The following NCAM2 variants were observed in gnomAD, a reference collection of about 807,000 sequenced individuals.
The protein encoded by NCAM2 is N-CAM-2.
A neutral mutation model predicts 98.1 loss-of-function variants in NCAM2; 30 were observed. That is an observed-to-expected ratio of 0.31 (90% CI 0.23 to 0.41). NCAM2 has a LOEUF of 0.41. NCAM2 is among the 10% of genes least tolerant of loss of function. NCAM2 has a pLI of 1.00. For missense variants in NCAM2, 867 were observed against 1,005.8 expected (o/e 0.86, Z 1.87); for synonymous variants, 368 against 342.4 (o/e 1.07, Z -0.83).
chr21:21,332,116 G>A (rs1480327786), intron 6 of NCAM2, among the ~76,000 whole-genome samples: 1 of 151,588 alleles, frequency 6.6e-6, no homozygotes, highest in Non-Finnish European at 1.5e-5. Flanking sequence ...TATTGGCCAG[G>A]CTGATCTGTA....
At chr21:21,509,767 T>C (rs1304538118) in intron 16 of NCAM2, among the ~76,000 whole-genome samples, 1 of 152,194 alleles carries the variant, frequency 6.6e-6, no homozygotes, top group Non-Finnish European at 1.5e-5. Flanking sequence ...TGTCTTTACA[T>C]AGATATAGAT....
chr21:21,358,444 A>G (rs1234212511), intron 8 of NCAM2, among the ~76,000 whole-genome samples: 1 of 142,314 alleles, frequency 7.0e-6, no homozygotes, highest in Non-Finnish European at 1.6e-5. Context: ...TGTCTTTGAA[A>G]TTACTTTATT....
chr21:21,236,181 A>G (rs1160246233), intron 1 of NCAM2, among the ~76,000 whole-genome samples: 1 of 150,400 alleles, frequency 6.6e-6, no homozygotes, highest in Non-Finnish European at 1.5e-5. Flanking sequence ...AAATAAATAA[A>G]GCGCTTCCTA....
intron 9 of NCAM2, 30 bp from the exon 10 acceptor site, chr21:21,410,244 C>T (rs372479099): frequency 8.4e-6 from 10 of 1,187,906 alleles, no homozygotes; most frequent in Non-Finnish European, 1.0e-5. Flanking sequence ...AAGAAAATGC[C>T]TATAATTATT....
intron 1 of NCAM2, among the ~76,000 whole-genome samples, chr21:21,051,838 G>C (rs1244306326): frequency 1.3e-5 from 2 of 152,010 alleles, no homozygotes; most frequent in Non-Finnish European, 2.9e-5. Flanking sequence ...CCTTTTTGTG[G>C]CTCTCTGTAA....
chr21:21,398,449 T>G (rs2076561784), intron 9 of NCAM2, among the ~76,000 whole-genome samples: 1 of 152,140 alleles, frequency 6.6e-6, no homozygotes, highest in East Asian at 1.9e-4. Context: ...AAAAAGGTGA[T>G]TAGGCAGATT....
At chr21:21,171,341 T>C (rs574395263) in intron 1 of NCAM2, among the ~76,000 whole-genome samples, 26 of 152,368 alleles carry the variant, frequency 1.7e-4, no homozygotes, top group African/African-American at 6.3e-4. Context: ...TCATGTTTGC[T>C]AGGCACTGAT....
intron 1 of NCAM2, among the ~76,000 whole-genome samples, chr21:21,199,137 G>A (rs762444467): frequency 2.0e-5 from 3 of 152,176 alleles, no homozygotes; most frequent in Non-Finnish European, 4.4e-5. Flanking sequence ...TTTGTGGAAA[G>A]AGTCAGTCCT....
intron 12 of NCAM2, among the ~76,000 whole-genome samples, chr21:21,444,685 C>T (rs1979825190): frequency 6.6e-6 from 1 of 152,030 alleles, no homozygotes. Context: ...GTGACATTCC[C>T]TTTATCTTTT....
At chr21:21,252,980 A>G (rs1367067885) in intron 1 of NCAM2, among the ~76,000 whole-genome samples, 1 of 152,252 alleles carries the variant, frequency 6.6e-6, no homozygotes, top group East Asian at 1.9e-4. Flanking sequence ...ACTAAAAGCT[A>G]ATGGAAAACT....
At chr21:21,100,872 A>G (rs995668787) in intron 1 of NCAM2, among the ~76,000 whole-genome samples, 6 of 152,016 alleles carry the variant, frequency 3.9e-5, no homozygotes, top group African/African-American at 7.2e-5. Flanking sequence ...GTGCCATTTC[A>G]TCTCTCTGAA....
intron 1 of NCAM2, among the ~76,000 whole-genome samples, chr21:21,141,592 T>A (rs1446465558): frequency 6.6e-6 from 1 of 152,054 alleles, no homozygotes; most frequent in Non-Finnish European, 1.5e-5. Flanking sequence ...TTATTGACAG[T>A]TAGATATGAG....
In NCAM2 at chr21:21,332,376, A is replaced by T. The variant is rs573080510; in HGVS notation, c.738-3129A>T. Among the ~76,000 whole-genome samples the T allele has an allele frequency of 3.9e-5, 6 of 152,292 alleles. No individual in the cohort carries two copies. The South Asian group carries it at 1.0e-3, about 26-fold the overall frequency. On this transcript the variant is annotated intron_variant, in intron 6 of 17. Transcript: ENST00000400546. ...TTTTAGGTGGATCCAAACCACCTTC[A>T]GTCTAGGGTTAATCTGGTTCCATTA... is the stretch of plus-strand genomic sequence containing the variant.
chr21:21,209,946 T>C (rs1043366207), intron 1 of NCAM2, among the ~76,000 whole-genome samples: 4 of 152,150 alleles, frequency 2.6e-5, no homozygotes, highest in Admixed American at 2.6e-4. Flanking sequence ...TCCAAGCACA[T>C]ACTTAGAATT....
intron 1 of NCAM2, among the ~76,000 whole-genome samples, chr21:21,024,365 G>A (rs2064497300): frequency 6.6e-6 from 1 of 152,082 alleles, no homozygotes; most frequent in Non-Finnish European, 1.5e-5. Context: ...GTTAGGTTTT[G>A]TGTTCTCCAA....
intron 1 of NCAM2, among the ~76,000 whole-genome samples, chr21:21,002,696 C>G (rs1296991861): frequency 1.3e-5 from 2 of 152,046 alleles, no homozygotes; most frequent in African/African-American, 2.4e-5. Flanking sequence ...TGCTCAATAA[C>G]TATAGAGTGA....
At chr21:21,534,467 A>T (rs1989876238) in intron 16 of NCAM2, 70 bp from the exon 17 acceptor site, 1 of 1,292,836 alleles carries the variant, frequency 7.7e-7, no homozygotes, top group African/African-American at 1.5e-5. Flanking sequence ...GTGATTTTAA[A>T]CTCTGTTTTT....
At chr21:21,391,047 T>C (rs1211942773) in intron 9 of NCAM2, among the ~76,000 whole-genome samples, 2 of 152,202 alleles carry the variant, frequency 1.3e-5, no homozygotes, top group Non-Finnish European at 2.9e-5. Context: ...CCTTTGATTT[T>C]AGTTATTCAA....
chr21:21,520,184 C>T (rs561229748), intron 16 of NCAM2, among the ~76,000 whole-genome samples: 1 of 152,048 alleles, frequency 6.6e-6, no homozygotes. Flanking sequence ...CAACAAGAGA[C>T]AACTCTAACT....
Sources: allele counts gnomAD v4.1 joint callset (sites outside exome capture counted in the v4.1 genomes callset), GRCh38; gene constraint gnomAD v4.1.1; transcripts MANE v1.5; gene names NCBI Gene and HGNC (gene_info 2026-07-23, HGNC 2026-07-21).